Variants in FBXL18 observed in about 807,000 individuals in gnomAD.
The protein encoded by FBXL18 is F-box and leucine rich repeat protein 18, also known as F-box/LRR-repeat protein 18.
In FBXL18, 36 loss-of-function variants were observed where a neutral mutation model predicts 46.0. That is an observed-to-expected ratio of 0.78 (90% CI 0.60 to 1.03). The LOEUF (loss-of-function observed/expected upper bound fraction) is 1.03. FBXL18 is among the 50% of genes least tolerant of loss of function. FBXL18 has a pLI of 0.00. For synonymous variants in FBXL18, 557 were observed against 465.3 expected, an observed-to-expected ratio of 1.20 and a Z score of -2.54; for missense variants, 977 against 1,004.1, an observed-to-expected ratio of 0.97 and a Z score of 0.36.
At chr7:5,469,881 G>T (rs1444720537) in intron 4 of FBXL18, among the ~76,000 whole-genome samples, 2 of 151,828 alleles carry the variant, frequency 1.3e-5, no homozygotes, top group Non-Finnish European at 2.9e-5. Flanking sequence ...TGAGTGTGCA[G>T]GTGTGTGTGC....
In FBXL18 at chr7:5,500,886, G is replaced by T; in HGVS notation, c.1383C>A (p.Ser461Arg). The change falls in exon 3 of 5, where the codon AGC becomes AGA. Residue 461 changes from serine (S) to arginine (R), a missense_variant. Physicochemically the swap from Ser to Arg is moderately radical, Grantham distance 110. Coordinates refer to ENST00000382368, the MANE Select transcript of FBXL18 (RefSeq NM_024963.6). ...GGGGGCACGCCTGGCCCGAGAAGGG[G>T]CTGGGACAGGACTGCACGCCCACAC... ...KVRVGVQSCP[S>R]PFSGQACPQP... The T allele has an allele frequency of 6.3e-7, 1 of 1,595,940 alleles. No homozygotes were observed. Among genetic ancestry groups the T allele is most frequent in the South Asian group, 1.1e-5 (1 of 89,032 alleles).
intron 2 of FBXL18, among the ~76,000 whole-genome samples, chr7:5,504,022 G>A (rs981403208): frequency 3.3e-5 from 5 of 150,088 alleles, no homozygotes; most frequent in East Asian, 2.0e-4. Flanking sequence ...TAGAGGCGCC[G>A]AGCCCTTCCT....
chr7:5,491,914 C>A (rs930587236), intron 3 of FBXL18, among the ~76,000 whole-genome samples: 2 of 151,796 alleles, frequency 1.3e-5, no homozygotes, highest in Non-Finnish European at 2.9e-5. Context: ...GGGCGGTAAT[C>A]CGGGAGGCTG....
intron 3 of FBXL18, chr7:5,495,787 T>G (rs1001690206): frequency 2.1e-6 from 1 of 472,920 alleles, no homozygotes; most frequent in South Asian, 1.5e-5. Context: ...CCGGGCTCCC[T>G]TGCCGCAGAA....
chr7:5,491,490 C>T, intron 3 of FBXL18, 41 bp from the exon 4 acceptor site: 1 of 1,500,874 alleles, frequency 6.7e-7, no homozygotes, highest in Non-Finnish European at 8.9e-7. Flanking sequence ...GAGGGAGGGG[C>T]TCGCAGGCCA....
Position 5,479,896 on chromosome 7 carries a change from G to A in FBXL18, c.*1879C>T, listed in dbSNP as rs1460247388. 2.0e-5 allele frequency: 3 copies of A among 152,530 alleles called. No individual in the cohort carries two copies. The highest frequency in any genetic ancestry group is 2.9e-5 in the Non-Finnish European group (2 of 68,296). The allele number at this position is 152,530 out of a possible 1,614,324, so 9.4% of individuals were successfully genotyped here. On this transcript the variant is annotated 3_prime_UTR_variant, in exon 5 of 5. Transcript: ENST00000382368. ...ATACATACAAGAAAGTCAGGGTGAA[G>A]TGGGAGGAGACCTCAAACCCCAGAT...
At chr7:5,486,959 G>T (rs1427740974) in intron 4 of FBXL18, among the ~76,000 whole-genome samples, 1 of 152,252 alleles carries the variant, frequency 6.6e-6, no homozygotes, top group African/African-American at 2.4e-5. Flanking sequence ...AAAGAGAAAA[G>T]CGTCAGGAAA....
At chr7:5,510,302 CAAAA>C (rs757878539) in intron 1 of FBXL18, among the ~76,000 whole-genome samples, 1 of 77,602 alleles carries the variant, frequency 1.3e-5, no homozygotes. Context: ...GACTCTGTCT[CAAAA>C]AAAAAAAAAA....
intron 4 of FBXL18, among the ~76,000 whole-genome samples, chr7:5,463,898 AC>A (rs1387066777): frequency 6.6e-6 from 1 of 150,554 alleles, no homozygotes; most frequent in African/African-American, 2.4e-5. Flanking sequence ...GCGCCACCAC[AC>A]CCAGCTAATT....
chr7:5,468,339 G>A (rs181145181), intron 4 of FBXL18, among the ~76,000 whole-genome samples: 70 of 152,118 alleles, frequency 4.6e-4, no homozygotes, highest in Non-Finnish European at 8.7e-4. Flanking sequence ...GGATGGCCTC[G>A]ATCTCCTGAC....
intron 1 of FBXL18, among the ~76,000 whole-genome samples, chr7:5,513,030 C>A (rs187926708): frequency 6.6e-6 from 1 of 152,188 alleles, no homozygotes; most frequent in East Asian, 1.9e-4. Flanking sequence ...CAACGGGAAG[C>A]CACTAGTCAG....
intron 1 of FBXL18, among the ~76,000 whole-genome samples, chr7:5,508,887 TA>T: frequency 6.6e-6 from 1 of 152,120 alleles, no homozygotes; most frequent in East Asian, 1.9e-4. Flanking sequence ...AAAACACTAT[TA>T]AAAACTCCAG....
Position 5,501,322 on chromosome 7 carries a change from G to A in FBXL18, c.947C>T (p.Pro316Leu). 3 of 1,614,190 alleles carry A rather than the reference G, an allele frequency of 1.9e-6. No individual in the cohort carries two copies. The highest frequency in any genetic ancestry group is 2.5e-6 in the Non-Finnish European group (3 of 1,180,030). The stretch of plus-strand genomic sequence containing the variant: ...ACAGCGGCTGAAACTGAAGTAGAAC[G>A]GGTTGTTGAATTTCATGTGCTGCAG... ...SLLQHMKFNN[P>L]FYFSFSRCTL... Residue 316 changes from proline to leucine, a missense_variant, in exon 3 of 5, where the codon CCG becomes CTG. Pro to Leu is a moderately conservative substitution (Grantham distance 98). Transcript: ENST00000382368.
In FBXL18 at chr7:5,480,996, G is replaced by A. The variant is rs1783630362; in HGVS notation, c.*779C>T. ...GCCGAATGTGTATCGATTTCCCCAGGAACGCGCATGGACCTTCCCAGGGAA... is the reference window on the plus strand; with the variant it reads ...GCCGAATGTGTATCGATTTCCCCAGAAACGCGCATGGACCTTCCCAGGGAA... On this transcript the variant is annotated 3_prime_UTR_variant, in exon 5 of 5. Transcript: ENST00000382368. The A allele has an allele frequency of 1.5e-5, 2 of 137,322 alleles. No individual in the cohort carries two copies. The highest frequency in any genetic ancestry group is 3.1e-5 in the Non-Finnish European group (2 of 64,552). The allele number at this position is 137,322 out of a possible 1,614,324, so 8.5% of individuals were successfully genotyped here.
intron 3 of FBXL18, among the ~76,000 whole-genome samples, chr7:5,495,122 C>T (rs1020717337): frequency 1.3e-5 from 2 of 152,194 alleles, no homozygotes; most frequent in African/African-American, 2.4e-5. Flanking sequence ...GAGGAAAAGG[C>T]TCCCACTGCG....
At chr7:5,507,785 G>T (rs34121351) in intron 1 of FBXL18, among the ~76,000 whole-genome samples, 1 of 151,858 alleles carries the variant, frequency 6.6e-6, no homozygotes, top group East Asian at 1.9e-4. Flanking sequence ...AGGGAGCCAA[G>T]ATCACACCAC....
chr7:5,506,830 AGCCCT>A (rs1413556887), intron 1 of FBXL18, among the ~76,000 whole-genome samples: 15 of 152,294 alleles, frequency 9.8e-5, no homozygotes, highest in African/African-American at 3.4e-4. Context: ...TTCAGGCAAG[AGCCCT>A]GCACCTGGCC....
chr7:5,467,150 G>C (rs951843801), intron 4 of FBXL18, among the ~76,000 whole-genome samples: 1 of 152,148 alleles, frequency 6.6e-6, no homozygotes, highest in Non-Finnish European at 1.5e-5. Context: ...AGGAGATCGA[G>C]ACCATCCTGG....
intron 1 of FBXL18, among the ~76,000 whole-genome samples, chr7:5,508,265 A>C (rs1264609889): frequency 2.6e-5 from 3 of 116,200 alleles, no homozygotes; most frequent in Non-Finnish European, 5.8e-5. Flanking sequence ...ACTCCATCTC[A>C]AAAAAAAAAA....
Sources: allele counts gnomAD v4.1 joint callset (sites outside exome capture counted in the v4.1 genomes callset), GRCh38; gene constraint gnomAD v4.1.1; transcripts MANE v1.5; gene names NCBI Gene and HGNC (gene_info 2026-07-23, HGNC 2026-07-21).